Variants in USP54 observed in about 807,000 individuals in gnomAD.
The protein encoded by USP54 is ubiquitin carboxyl-terminal hydrolase 54.
Under a neutral mutation model 170.5 loss-of-function variants are expected in USP54, and 87 were observed. That is an observed-to-expected ratio of 0.51 (90% CI 0.43 to 0.61). The LOEUF (loss-of-function observed/expected upper bound fraction) is 0.61, where lower values mean the gene tolerates loss of function less well. USP54 is among the 20% of genes least tolerant of loss of function. The probability of loss-of-function intolerance (pLI) is 0.00; values close to 1 mark genes in which losing one functional copy is unlikely to be tolerated. For missense variants in USP54, 1,786 were observed against 2,047.8 expected, an observed-to-expected ratio of 0.87 and a Z score of 2.47; for synonymous variants, 655 against 742.8, an observed-to-expected ratio of 0.88 and a Z score of 1.92.
At chr10:73,572,407 G>A (rs1307044639) in intron 3 of USP54, among the ~76,000 whole-genome samples, 1 of 152,096 alleles carries the variant, frequency 6.6e-6, no homozygotes, top group Non-Finnish European at 1.5e-5. Flanking sequence ...AAATGATGTA[G>A]TATATAGCAT....
At chr10:73,533,885 T>A (rs115995573) in intron 12 of USP54, among the ~76,000 whole-genome samples, 1 of 152,166 alleles carries the variant, frequency 6.6e-6, no homozygotes, top group Non-Finnish European at 1.5e-5. Flanking sequence ...ACCAATCCCA[T>A]AAATAGGCCC....
intron 2 of USP54, 36 bp downstream of exon 2, chr10:73,575,762 T>C: frequency 7.3e-7 from 1 of 1,378,776 alleles, no homozygotes; most frequent in Non-Finnish European, 9.7e-7. Context: ...ATCCAGAATT[T>C]AGTGAATTTA....
At chr10:73,606,133 A>AC (rs911244524) in intron 1 of USP54, among the ~76,000 whole-genome samples, 4 of 130,594 alleles carry the variant, frequency 3.1e-5, no homozygotes, top group African/African-American at 5.9e-5. Flanking sequence ...AGCTGAGATC[A>AC]CCCCACTGCA....
In USP54 at chr10:73,517,164, C is replaced by G. The variant is rs1180096224; in HGVS notation, c.3262G>C (p.Asp1088His). Residue 1088 changes from aspartate (D) to histidine (H), a missense_variant, in exon 20 of 24, where the codon GAT (aspartate) becomes CAT (histidine). By Grantham distance (81) the Asp-to-His change is moderately conservative. Transcript: ENST00000687698. ...CATTGGTTAGTTTTCTGCACAGGATCAGGACAGTGAAGCACAAATGAAGAA... is the reference window on the plus strand; with the variant it reads ...CATTGGTTAGTTTTCTGCACAGGATGAGGACAGTGAAGCACAAATGAAGAA... ...VASSFVLHCP[D>H]PVQKTNQCLQ... The G allele has an allele frequency of 6.2e-7, 1 of 1,614,074 alleles. No homozygotes were observed. Among genetic ancestry groups the G allele is most frequent in the Non-Finnish European group, 8.5e-7 (1 of 1,180,046 alleles).
intron 1 of USP54, among the ~76,000 whole-genome samples, chr10:73,596,720 CAAAAAAAAA>C (rs36049099): frequency 2.5e-4 from 23 of 91,858 alleles, no homozygotes; most frequent in Non-Finnish European, 7.9e-5. Context: ...GATCCTGTCT[CAAAAAAAAA>C]AAAAAAAAAA....
At chr10:73,624,526 T>C (rs1357885990) in intron 1 of USP54, 3 of 152,002 alleles carry the variant, frequency 2.0e-5, no homozygotes, top group Non-Finnish European at 4.4e-5. Context: ...ATTATTCTAA[T>C]TAATGCATTT....
In USP54 at chr10:73,497,652, G is replaced by C. The variant is rs1359461698; in HGVS notation, c.*977C>G. 6.6e-6 allele frequency: 1 copy of C among 152,350 alleles called. No homozygotes were observed. The allele number at this position is 152,350 out of a possible 1,614,324, so 9.4% of individuals were successfully genotyped here. On this transcript the variant is annotated 3_prime_UTR_variant, in exon 24 of 24. Coordinates refer to ENST00000687698, the MANE Select transcript of USP54 (RefSeq NM_001391956.1). ...GTTTACATTGACGACTGAGCAAGTG[G>C]CAATAATGGCTGTGTTATTGAGGAC...
chr10:73,625,291 C>A (rs1345878301), intron 1 of USP54, among the ~76,000 whole-genome samples: 15 of 139,864 alleles, frequency 1.1e-4, no homozygotes, highest in African/African-American at 3.3e-4. Flanking sequence ...GCGAAAAGAA[C>A]CTTCCCAACT....
intron 10 of USP54, chr10:73,538,489 T>G (rs2065785484): frequency 6.6e-6 from 1 of 151,140 alleles, no homozygotes; most frequent in African/African-American, 2.4e-5. Context: ...AAAACTATTT[T>G]CTAGAAAAAA....
In USP54 at chr10:73,619,011, G is replaced by C. The variant is rs568304275; in HGVS notation, c.-18+6556C>G. Among the ~76,000 whole-genome samples the C allele has an allele frequency of 2.0e-5, 3 of 149,608 alleles. No individual in the cohort carries two copies. The South Asian group carries it at 6.3e-4, about 31-fold the overall frequency. On this transcript the variant is annotated intron_variant, in intron 1 of 22. Coordinates refer to the USP54 transcript ENST00000339859. The stretch of plus-strand genomic sequence containing the variant: ...GCAGATCACCTGAGGTCAGGAGTTC[G>C]AGACCAGCCTAGCCAACGTGGTGAA...
intron 1 of USP54, among the ~76,000 whole-genome samples, chr10:73,580,487 C>T (rs1216976724): frequency 6.6e-6 from 1 of 151,776 alleles, no homozygotes; most frequent in East Asian, 1.9e-4. Flanking sequence ...ATGGGACTTA[C>T]CTTATTTTTA....
chr10:73,618,258 C>G (rs1208479310), intron 1 of USP54, among the ~76,000 whole-genome samples: 1 of 150,008 alleles, frequency 6.7e-6, no homozygotes, highest in Non-Finnish European at 1.5e-5. Flanking sequence ...CTTGTCTTCT[C>G]TTTTTAGCAG....
chr10:73,616,871 A>G (rs1253418432), intron 1 of USP54, among the ~76,000 whole-genome samples: 1 of 150,624 alleles, frequency 6.6e-6, no homozygotes, highest in Non-Finnish European at 1.5e-5. Flanking sequence ...GTTTTCAGAG[A>G]ATAAATGTAG....
chr10:73,536,480 T>C (rs1229230537), intron 10 of USP54, 43 bp from the exon 11 acceptor site: 1 of 1,481,826 alleles, frequency 6.7e-7, no homozygotes, highest in African/African-American at 1.4e-5. Context: ...TTATACTTTA[T>C]ACCCACAATT....
chr10:73,535,275 A>G (rs1228286422), intron 11 of USP54, among the ~76,000 whole-genome samples: 1 of 152,150 alleles, frequency 6.6e-6, no homozygotes, highest in Non-Finnish European at 1.5e-5. Context: ...AATTAGTTCA[A>G]TCAGACTGCT....
At chr10:73,572,172 A>T (rs1309843658) in intron 3 of USP54, among the ~76,000 whole-genome samples, 2 of 152,194 alleles carry the variant, frequency 1.3e-5, no homozygotes, top group Admixed American at 6.5e-5. Context: ...AAATTCCAAT[A>T]GGGGAAGGGG....
At position 73,588,410 on chromosome 10, in the gene USP54, G is replaced by C. The variant is rs1297614958; in HGVS notation, c.-582+2868C>G. On this transcript the variant is annotated intron_variant, in intron 1 of 23. Coordinates refer to ENST00000687698, the MANE Select transcript of USP54 (RefSeq NM_001391956.1). ...AGCTAATTTTTGTATTTTTAGTAAA[G>C]ATGGGGTTTCACCATGTTGGCCAGG... Among the ~76,000 whole-genome samples the C allele has an allele frequency of 3.3e-5, 5 of 152,072 alleles. No individual in the cohort carries two copies. The East Asian group carries it at 9.6e-4, about 29-fold the overall frequency.
At chr10:73,604,033 G>C (rs1306645995) in intron 1 of USP54, among the ~76,000 whole-genome samples, 1 of 151,832 alleles carries the variant, frequency 6.6e-6, no homozygotes, top group Non-Finnish European at 1.5e-5. Flanking sequence ...GGCAGATCAT[G>C]AGGTCAGGAG....
chr10:73,516,344 C>A lies in USP54; in HGVS notation c.4051+31G>T, dbSNP rs368190714. On this transcript the variant is annotated intron_variant, in intron 20 of 23. Transcript: ENST00000687698. ...CTTTCAGCTTTTATATGATCCTCCCCCCTCCCCCCAACCCCTGGTTGCATT... is the reference window on the plus strand; with the variant it reads ...CTTTCAGCTTTTATATGATCCTCCCACCTCCCCCCAACCCCTGGTTGCATT... 23 of 1,573,884 alleles carry A rather than the reference C, an allele frequency of 1.5e-5. No individual in the cohort carries two copies. The African/African-American group carries it at 2.7e-4, about 19-fold the overall frequency.
Sources: gnomAD v4.1 joint callset for allele counts (sites outside exome capture counted in the v4.1 genomes callset) on GRCh38, gnomAD v4.1.1 for gene constraint, MANE v1.5 for transcripts, NCBI Gene and HGNC (gene_info 2026-07-23, HGNC 2026-07-21) for gene names.